Variants in LCA5 observed in about 807,000 individuals in gnomAD.
LCA5 encodes lebercilin LCA5.
In LCA5, 37 loss-of-function variants were observed where a neutral mutation model predicts 53.0. That is an observed-to-expected ratio of 0.70 (90% CI 0.54 to 0.92). The LOEUF is 0.92. LCA5 is among the 40% of genes least tolerant of loss of function. LCA5 has a pLI of 0.00. For synonymous variants in LCA5, 303 were observed against 282.9 expected (o/e 1.07, Z -0.71); for missense variants, 806 against 790.5 (o/e 1.02, Z -0.23).
rs10637240 is a variant in LCA5, at chr6:79,495,750, C to CAA, written c.721-2002_721-2001dup. Among the ~76,000 whole-genome samples the CAA allele has an allele frequency of 4.6e-4, 34 of 73,782 alleles. 1 individual carries two copies. In the East Asian group the frequency reaches 5.3e-3, roughly 12 times the overall value. The allele number at this position is 73,782 out of a possible 152,430, so 48.4% of individuals were successfully genotyped here. A position where few individuals can be genotyped will look rare whatever the true frequency, so the allele number is the denominator to read the frequency against. On this transcript the variant is annotated intron_variant, in intron 3 of 7. Coordinates refer to ENST00000369846, the MANE Select transcript of LCA5 (RefSeq NM_001122769.3). Reference sequence around the variant, plus strand: ...TGGGTGACAGAGCAAGACTCCATCTCAAAAAAAAAAAAAAAAAAAGTCGGT... The same window carrying CAA: ...TGGGTGACAGAGCAAGACTCCATCTCAAAAAAAAAAAAAAAAAAAAAGTCGGT...
At chr6:79,515,023 TAAAAA>T (rs1240565779) in intron 2 of LCA5, among the ~76,000 whole-genome samples, 1 of 146,086 alleles carries the variant, frequency 6.8e-6, no homozygotes, top group Non-Finnish European at 1.5e-5. Context: ...AACTTAAAAC[TAAAAA>T]AAAAAGAAAG....
intron 3 of LCA5, among the ~76,000 whole-genome samples, chr6:79,497,349 C>T (rs1395786180): frequency 6.6e-6 from 1 of 152,082 alleles, no homozygotes; most frequent in African/African-American, 2.4e-5. Flanking sequence ...GCTAGGAGAT[C>T]AAAATTAACA....
intron 3 of LCA5, among the ~76,000 whole-genome samples, chr6:79,508,280 C>A (rs934190666): frequency 6.6e-6 from 1 of 152,148 alleles, no homozygotes; most frequent in Non-Finnish European, 1.5e-5. Context: ...CCCATAGATA[C>A]CTTTGGCTGT....
Position 79,487,519 on chromosome 6 carries a change from T to A in LCA5, c.1579A>T (p.Ile527Phe), listed in dbSNP as rs75319738. ...RLFNGHHLQD[I>F]SFSTPKGEGQ... ...TCTCCTTTTGGAGTTGAGAAACTGA[T>A]GTCTTGCAAATGATGCCCATTAAAT... Residue 527 changes from isoleucine (I) to phenylalanine (F), a missense_variant, in exon 8 of 8, where the codon ATC becomes TTC. Transcript: ENST00000369846. The A allele has an allele frequency of 6.2e-7, 1 of 1,613,980 alleles. No homozygotes were observed. The highest frequency in any genetic ancestry group is 8.5e-7 in the Non-Finnish European group (1 of 1,179,970).
At chr6:79,528,150 C>T (rs764496830) in intron 1 of LCA5, among the ~76,000 whole-genome samples, 43 of 152,202 alleles carry the variant, frequency 2.8e-4, no homozygotes, top group Non-Finnish European at 5.1e-4. Flanking sequence ...TGCATGTTGG[C>T]TCTATACCAG....
At chr6:79,532,908 AAATAG>A (rs1226349197) in intron 1 of LCA5, among the ~76,000 whole-genome samples, 2 of 152,166 alleles carry the variant, frequency 1.3e-5, no homozygotes, top group Non-Finnish European at 2.9e-5. Flanking sequence ...ATGTTATTTC[AAATAG>A]AATATTAAGT....
Position 79,485,243 on chromosome 6 carries a change from T to C in LCA5, c.*1761A>G, listed in dbSNP as rs1288816969. On this transcript the variant is annotated 3_prime_UTR_variant, in exon 8 of 8. Transcript: ENST00000369846. ...AGGTAGAAAAAAAGCAAAAAACTAA[T>C]TTAAATGACGTGAATAAAAAACTTA... The C allele has an allele frequency of 1.3e-5, 2 of 152,468 alleles. No homozygotes were observed. The highest frequency in any genetic ancestry group is 1.3e-4 in the Admixed American group (2 of 15,250). The allele number at this position is 152,468 out of a possible 1,614,324, so 9.4% of individuals were successfully genotyped here. A position where few individuals can be genotyped will look rare whatever the true frequency, so the allele number is the denominator to read the frequency against.
At chr6:79,501,386 G>A (rs1770135338) in intron 3 of LCA5, among the ~76,000 whole-genome samples, 1 of 152,058 alleles carries the variant, frequency 6.6e-6, no homozygotes, top group African/African-American at 2.4e-5. Flanking sequence ...TGTTCTTGCT[G>A]TTAAGGAGCC....
chr6:79,503,653 C>G (rs996616016), intron 3 of LCA5, among the ~76,000 whole-genome samples: 1 of 152,190 alleles, frequency 6.6e-6, no homozygotes, highest in Non-Finnish European at 1.5e-5. Flanking sequence ...GAGCCAGACT[C>G]ATTATAAACT....
At chr6:79,494,211 G>A (rs1769918603) in intron 3 of LCA5, among the ~76,000 whole-genome samples, 1 of 151,252 alleles carries the variant, frequency 6.6e-6, no homozygotes, top group Non-Finnish European at 1.5e-5. Context: ...ATGAAGCCTT[G>A]GTAGACAAAA....
At chr6:79,521,917 A>G (rs529432869) in intron 1 of LCA5, among the ~76,000 whole-genome samples, 4 of 152,324 alleles carry the variant, frequency 2.6e-5, no homozygotes, top group African/African-American at 9.6e-5. Flanking sequence ...CTCAGGAGCC[A>G]ACTTCAAGGA....
intron 3 of LCA5, among the ~76,000 whole-genome samples, chr6:79,504,305 C>T (rs980730384): frequency 2.6e-5 from 4 of 152,198 alleles, no homozygotes; most frequent in East Asian, 1.9e-4. Flanking sequence ...AAAACAAAAG[C>T]CAACATATAT....
chr6:79,523,466 CT>C (rs1372809307), intron 1 of LCA5, among the ~76,000 whole-genome samples: 1 of 152,136 alleles, frequency 6.6e-6, no homozygotes, highest in South Asian at 2.1e-4. Context: ...CTAGTAACTA[CT>C]TTAGAGAATT....
chr6:79,518,500 T>G (rs1766513598), intron 2 of LCA5, among the ~76,000 whole-genome samples: 1 of 152,180 alleles, frequency 6.6e-6, no homozygotes, highest in Admixed American at 6.5e-5. Context: ...GTATACTGTA[T>G]GACTTTGAAT....
rs771203925 is a variant in LCA5, at chr6:79,492,631, A to C, written c.875T>G (p.Leu292Arg). 144 of 1,537,356 alleles carry C rather than the reference A, an allele frequency of 9.4e-5. 1 individual carries two copies. Among genetic ancestry groups the C allele is most frequent in the Non-Finnish European group, 1.3e-4 (140 of 1,119,438 alleles). Residue 292 changes from leucine to arginine, a missense_variant, in exon 5 of 8, where the codon CTG (leucine) becomes CGG (arginine). By Grantham distance (102) the Leu-to-Arg change is moderately radical. Coordinates refer to ENST00000369846, the MANE Select transcript of LCA5 (RefSeq NM_001122769.3). ...ATTAGAATATATATTTTTTATATCC[A>C]GTTCTCTCTCCTTTTCCTGAAAACA... ...YHKLKEKERE[L>R]DIKNIYSNRL...
chr6:79,518,853 T>C lies in LCA5; in HGVS notation c.42A>G (p.Arg14=), dbSNP rs781330489. The change falls in exon 2 of 8, where the codon AGA becomes AGG. Residue 14 remains arginine, a synonymous_variant. Coordinates refer to ENST00000369846, the MANE Select transcript of LCA5 (RefSeq NM_001122769.3). ...AAGAATAATGGTGTTTGCCTGCCTT[T>C]CTTTCTTGATCAGTACCTGGACTTC... is the stretch of plus-strand genomic sequence containing the variant. The part of the protein sequence containing the change: ...RAGSPGTDQE[R]KAGKHHYSYL... 1.9e-6 allele frequency: 3 copies of C among 1,614,036 alleles called. No individual in the cohort carries two copies. The highest frequency in any genetic ancestry group is 2.7e-5 in the African/African-American group (2 of 74,932).
At chr6:79,538,321 C>A (rs939908799), upstream of LCA5, among the ~76,000 whole-genome samples, 2 of 152,094 alleles carry the variant, frequency 1.3e-5, no homozygotes, top group African/African-American at 2.4e-5. Context: ...AATGAATCTT[C>A]TAACCATGAA....
chr6:79,505,698 C>T (rs576101557), intron 3 of LCA5, among the ~76,000 whole-genome samples: 1 of 152,164 alleles, frequency 6.6e-6, no homozygotes, highest in South Asian at 2.1e-4. Context: ...TAGATAAATG[C>T]AGAAGAGGTA....
At chr6:79,490,369 T>C (rs1769803697) in intron 6 of LCA5, among the ~76,000 whole-genome samples, 1 of 152,096 alleles carries the variant, frequency 6.6e-6, no homozygotes, top group South Asian at 2.1e-4. Context: ...ACCCTCATTT[T>C]ATACATGAGA....
Sources: gnomAD v4.1 joint callset for allele counts (sites outside exome capture counted in the v4.1 genomes callset) on GRCh38, gnomAD v4.1.1 for gene constraint, MANE v1.5 for transcripts, NCBI Gene and HGNC (gene_info 2026-07-23, HGNC 2026-07-21) for gene names.